PCSK1: variants seen among roughly 807,000 people sequenced by gnomAD.
PCSK1 encodes neuroendocrine convertase 1.
A neutral mutation model predicts 90.6 loss-of-function variants in PCSK1; 56 were observed. That is an observed-to-expected ratio of 0.62 (90% CI 0.50 to 0.77). The LOEUF (loss-of-function observed/expected upper bound fraction) is 0.77. PCSK1 is among the 30% of genes least tolerant of loss of function. The probability of loss-of-function intolerance (pLI) is 0.00; values close to 1 mark genes in which losing one functional copy is unlikely to be tolerated. For synonymous variants in PCSK1, 348 were observed against 342.4 expected (o/e 1.02, Z -0.18); for missense variants, 801 against 932.6 (o/e 0.86, Z 1.84).
At chr5:96,422,021 C>CAAAA in intron 4 of PCSK1, 65 bp from the exon 5 acceptor site, 1 of 672,800 alleles carries the variant, frequency 1.5e-6, no homozygotes. Flanking sequence ...AAAAAAAAAG[C>CAAAA]ATCACTTCCC....
chr5:96,432,204 G>A, intron 1 of PCSK1: 1 of 1,344,780 alleles, frequency 7.4e-7, no homozygotes, highest in Non-Finnish European at 1.0e-6. Context: ...CCAGTGAAAA[G>A]CCGGAGCTCC....
chr5:96,393,337 C>T lies in PCSK1; in HGVS notation c.1926G>A (p.Val642=), dbSNP rs1760019115. The change falls in exon 14 of 14, where the codon GTG becomes GTA. Residue 642 remains valine (V), a synonymous_variant. Transcript: ENST00000311106. The stretch of plus-strand genomic sequence containing the variant: ...CGCTGCTGCTGCTGGGGCTTTTGGA[C>T]ACCAGGGTGTTCTCCTTAGGGTTCT... ...TQENPKENTL[V]SKSPSSSSVG... 1 of 1,614,126 alleles carries T rather than the reference C, an allele frequency of 6.2e-7. No homozygotes were observed.
At chr5:96,420,805 G>GAC (rs1033089798) in intron 5 of PCSK1, among the ~76,000 whole-genome samples, 21 of 151,724 alleles carry the variant, frequency 1.4e-4, no homozygotes, top group African/African-American at 3.9e-4. Flanking sequence ...GAGAGAGAGA[G>GAC]AGAGACAGAG....
chr5:96,425,386 A>T (rs1182233798), intron 3 of PCSK1, among the ~76,000 whole-genome samples: 1 of 152,196 alleles, frequency 6.6e-6, no homozygotes, highest in Non-Finnish European at 1.5e-5. Flanking sequence ...TCTTTCAGAG[A>T]TTCTCATCTG....
chr5:96,409,762 C>CTGTG (rs1407316290), intron 8 of PCSK1, among the ~76,000 whole-genome samples: 2 of 152,148 alleles, frequency 1.3e-5, no homozygotes, highest in African/African-American at 4.8e-5. Context: ...GCCATAAAAC[C>CTGTG]CCTCGGTAGA....
chr5:96,401,359 G>A (rs536772334), intron 9 of PCSK1, among the ~76,000 whole-genome samples: 84 of 152,284 alleles, frequency 5.5e-4, no homozygotes, highest in African/African-American at 1.9e-3. Context: ...GTACAGGTGT[G>A]GCCAGATGAC....
chr5:96,427,347 G>A (rs1002826603), intron 2 of PCSK1, among the ~76,000 whole-genome samples: 1 of 152,102 alleles, frequency 6.6e-6, no homozygotes, highest in African/African-American at 2.4e-5. Flanking sequence ...CAGGCTGAAT[G>A]GTATAGAGGA....
chr5:96,423,709 C>A (rs1761196489), intron 3 of PCSK1, among the ~76,000 whole-genome samples: 1 of 152,194 alleles, frequency 6.6e-6, no homozygotes, highest in Non-Finnish European at 1.5e-5. Context: ...TGCTCCTTCT[C>A]TTTGAACTAC....
intron 12 of PCSK1, among the ~76,000 whole-genome samples, chr5:96,396,108 C>T (rs1760131547): frequency 6.6e-6 from 1 of 151,966 alleles, no homozygotes; most frequent in South Asian, 2.1e-4. Flanking sequence ...TCTTTTTTTG[C>T]TCTATGAGAG....
Position 96,410,684 on chromosome 5 carries a change from A to G in PCSK1, c.1095+90T>C, listed in dbSNP as rs1442271345. 6.8e-6 allele frequency: 7 copies of G among 1,032,612 alleles called. No individual in the cohort carries two copies. The East Asian group carries it at 1.2e-4, about 17-fold the overall frequency. The allele number at this position is 1,032,612 out of a possible 1,614,324, so 64.0% of individuals were successfully genotyped here. On this transcript the variant is annotated intron_variant, in intron 8 of 13. Coordinates refer to ENST00000311106, the MANE Select transcript of PCSK1 (RefSeq NM_000439.5). ...CTGAGACATCAAGCTTAAGCGAATCAGTCGTACCAAAGGTCAGTTAGGGGA... is the reference window on the plus strand; with the variant it reads ...CTGAGACATCAAGCTTAAGCGAATCGGTCGTACCAAAGGTCAGTTAGGGGA...
intron 8 of PCSK1, among the ~76,000 whole-genome samples, 178 bp downstream of exon 8, chr5:96,410,596 C>T (rs1306706663): frequency 6.6e-6 from 1 of 151,910 alleles, no homozygotes; most frequent in South Asian, 2.1e-4. Flanking sequence ...TGTCATTATC[C>T]CTGGAGAGAA....
chr5:96,408,600 C>G (rs923390769), intron 8 of PCSK1, among the ~76,000 whole-genome samples: 6 of 152,162 alleles, frequency 3.9e-5, no homozygotes, highest in African/African-American at 1.4e-4. Flanking sequence ...CTGAGATTCC[C>G]AAACGAAATG....
Position 96,412,363 on chromosome 5 carries a change from C to A in PCSK1, c.837G>T (p.Gly279=). The change falls in exon 7 of 14, where the codon GGG becomes GGT. Residue 279 remains glycine, a synonymous_variant. Transcript: ENST00000311106. The stretch of plus-strand genomic sequence containing the variant: ...AAGCCTTCTGGGCTAGCCGGCCAGG[C>A]CCCTCCACAGTTTTCCCATCATCAT... The part of the protein sequence containing the change: ...GPNDDGKTVE[G]PGRLAQKAFE... 1 of 1,614,106 alleles carries A rather than the reference C, an allele frequency of 6.2e-7. No homozygotes were observed.
At chr5:96,405,816 C>CAGATGG (rs1760540568) in intron 9 of PCSK1, among the ~76,000 whole-genome samples, 1 of 152,220 alleles carries the variant, frequency 6.6e-6, no homozygotes. Flanking sequence ...TTCTGTTCAG[C>CAGATGG]AGATGGATAT....
Position 96,423,406 on chromosome 5 carries a change from A to T in PCSK1, c.450T>A (p.Pro150=), listed in dbSNP as rs1339618049. The T allele has an allele frequency of 2.5e-6, 4 of 1,613,964 alleles. No homozygotes were observed. The highest frequency in any genetic ancestry group is 3.4e-6 in the Non-Finnish European group (4 of 1,179,924). ...TGCCCGTAATGCCTTTTTGCCAAAC[A>T]GGTATCACATGAAGGTCCAGCTTGG... is the stretch of plus-strand genomic sequence containing the variant. ...ALPKLDLHVI[P]VWQKGITGKG... is the part of the protein sequence containing the mutation. The change falls in exon 4 of 14, where the codon CCT becomes CCA. Residue 150 remains proline, a synonymous_variant. Coordinates refer to ENST00000311106, the MANE Select transcript of PCSK1 (RefSeq NM_000439.5).
intron 1 of PCSK1, among the ~76,000 whole-genome samples, chr5:96,431,115 T>A (rs981040751): frequency 2.0e-5 from 3 of 152,176 alleles, no homozygotes; most frequent in African/African-American, 7.2e-5. Flanking sequence ...TCCACCCCCA[T>A]AGGTCATACA....
chr5:96,411,060 C>T, intron 7 of PCSK1, 74 bp from the exon 8 acceptor site: 1 of 1,029,122 alleles, frequency 9.7e-7, no homozygotes, highest in Non-Finnish European at 1.5e-6. Context: ...ATAAAATCCC[C>T]AACGACTACA....
At position 96,391,144 on chromosome 5, in the gene PCSK1, A is replaced by G. The variant is rs866548174; in HGVS notation, c.*1857T>C. 2.4e-4 allele frequency: 36 copies of G among 152,238 alleles called. No individual in the cohort carries two copies. Among genetic ancestry groups the G allele is most frequent in the African/African-American group, 8.7e-4 (36 of 41,464 alleles). The allele number at this position is 152,238 out of a possible 1,614,324, so 9.4% of individuals were successfully genotyped here. ...TATCAAACAATATATGAAACTTCCA[A>G]GGACAGAGTGATTCCGCAAGTCTTT... On this transcript the variant is annotated 3_prime_UTR_variant, in exon 14 of 14. Coordinates refer to ENST00000311106, the MANE Select transcript of PCSK1 (RefSeq NM_000439.5).
chr5:96,428,250 C>CAT (rs771564421), intron 2 of PCSK1, among the ~76,000 whole-genome samples: 18 of 152,006 alleles, frequency 1.2e-4, no homozygotes, highest in African/African-American at 2.9e-4. Flanking sequence ...CTGTCACATA[C>CAT]ATATATATAT....
Sources: gnomAD v4.1 joint callset for allele counts (sites outside exome capture counted in the v4.1 genomes callset) on GRCh38, gnomAD v4.1.1 for gene constraint, MANE v1.5 for transcripts, NCBI Gene and HGNC (gene_info 2026-07-23, HGNC 2026-07-21) for gene names.